The following ATG4B variants were observed in gnomAD, a reference collection of about 807,000 sequenced individuals.
The protein encoded by ATG4B is cysteine protease ATG4B.
In ATG4B, 29 loss-of-function variants were observed where a neutral mutation model predicts 56.6. The observed-to-expected ratio is 0.51, with a 90% CI of 0.38 to 0.70. ATG4B has a LOEUF of 0.70. Among genes scored for constraint, ATG4B ranks in the 30% least tolerant of loss-of-function variants. ATG4B has a pLI of 0.00. For synonymous variants in ATG4B, 224 were observed against 206.1 expected (o/e 1.09, Z -0.74); for missense variants, 461 against 515.5 (o/e 0.89, Z 1.02).
At chr2:241,656,302 GCGTCCCACGTCACCCC>G (rs934872467) in intron 6 of ATG4B, among the ~76,000 whole-genome samples, 2 of 151,874 alleles carry the variant, frequency 1.3e-5, no homozygotes, top group Non-Finnish European at 2.9e-5. Context: ...CACGTCACCC[GCGTCCCACGTCACCCC>G]CGTCCCACAT....
rs374129452 is a variant in ATG4B at position 241,670,692 on chromosome 2, G to T, written c.958-34G>T. The T allele has an allele frequency of 1.4e-5, 22 of 1,586,076 alleles. No individual in the cohort carries two copies. In the African/African-American group the frequency reaches 2.7e-4, roughly 19 times the overall value. On this transcript the variant is annotated intron_variant, in intron 10 of 12. Transcript: ENST00000404914. Reference sequence around the variant, plus strand: ...ACCTCTTAGCCGACTGCAGATGGGGGTGTCGTGTTCTGCTCATCGTCATTT... The same window carrying T: ...ACCTCTTAGCCGACTGCAGATGGGGTTGTCGTGTTCTGCTCATCGTCATTT...
At chr2:241,671,462 T>C (rs1441625496) in intron 12 of ATG4B, 57 bp downstream of exon 12, 1 of 1,594,880 alleles carries the variant, frequency 6.3e-7, no homozygotes, top group South Asian at 1.1e-5. Flanking sequence ...TGCCCTTGCT[T>C]CCCCAGTCCT....
intron 7 of ATG4B, among the ~76,000 whole-genome samples, chr2:241,660,215 C>T (rs2068548781): frequency 1.3e-5 from 2 of 152,196 alleles, no homozygotes; most frequent in African/African-American, 2.4e-5. Context: ...AGACCTCATT[C>T]AGAGCCACAG....
At chr2:241,644,493 C>T (rs1478240546) in intron 1 of ATG4B, among the ~76,000 whole-genome samples, 1 of 152,230 alleles carries the variant, frequency 6.6e-6, no homozygotes, top group East Asian at 1.9e-4. Flanking sequence ...GGTGAGGAGA[C>T]TGAGGCTGGA....
chr2:241,673,827 T>A lies in ATG4B; in HGVS notation c.*1563T>A. The A allele has an allele frequency of 2.3e-6, 1 of 428,106 alleles. No homozygotes were observed. 26.5% of individuals were successfully genotyped at this position (428,106 alleles called of 1,614,324 possible). On this transcript the variant is annotated 3_prime_UTR_variant, in exon 13 of 13. Coordinates refer to ENST00000404914, the MANE Select transcript of ATG4B (RefSeq NM_013325.5). The stretch of plus-strand genomic sequence containing the variant: ...TAGTAGTATAGTTTGCAATTCTTAA[T>A]GGCAAATAATAAGTTTCAGTAGAAA...
chr2:241,666,521 T>TGG (rs2068778694), intron 7 of ATG4B, 124 bp from the exon 8 acceptor site: 1 of 1,021,660 alleles, frequency 9.8e-7, no homozygotes, highest in South Asian at 1.5e-5. Context: ...AAGTTTGAAT[T>TGG]TCACTGTAAG....
At position 241,668,380 on chromosome 2, in the gene ATG4B, G is replaced by T; in HGVS notation, c.811+159G>T. 4 of 1,359,352 alleles carry T rather than the reference G, an allele frequency of 2.9e-6. No individual in the cohort carries two copies. The highest frequency in any genetic ancestry group is 4.1e-6 in the Non-Finnish European group (4 of 980,870). 84.2% of individuals were successfully genotyped at this position (1,359,352 alleles called of 1,614,324 possible). On this transcript the variant is annotated intron_variant, in intron 9 of 12. Transcript: ENST00000404914. The surrounding 1 kb of genome is among the most constrained non-coding windows in gnomAD (Gnocchi z 4.2). ...CCTGGTCGCGGGCGGCCTCCTGTGT[G>T]CCCCTTTCCCTGATGGTCTGGTGCC...
At chr2:241,664,183 G>GA (rs1470214855) in intron 7 of ATG4B, among the ~76,000 whole-genome samples, 3 of 151,970 alleles carry the variant, frequency 2.0e-5, no homozygotes, top group African/African-American at 7.3e-5. Flanking sequence ...ACACATACTA[G>GA]AACTGGCTCT....
Position 241,673,606 on chromosome 2 carries a change from T to C in ATG4B, c.*1342T>C. 1 of 455,892 alleles carries C rather than the reference T, an allele frequency of 2.2e-6. No individual in the cohort carries two copies. The highest frequency in any genetic ancestry group is 1.6e-5 in the South Asian group (1 of 64,492). The allele number at this position is 455,892 out of a possible 1,614,324, so 28.2% of individuals were successfully genotyped here. On this transcript the variant is annotated 3_prime_UTR_variant, in exon 13 of 13. Coordinates refer to ENST00000404914, the MANE Select transcript of ATG4B (RefSeq NM_013325.5). Reference sequence around the variant, plus strand: ...GACATAGTGTATTTCCTCGTATCCTTTCTCCCTTGGGTGTAGTTGGGGTGG... The same window carrying C: ...GACATAGTGTATTTCCTCGTATCCTCTCTCCCTTGGGTGTAGTTGGGGTGG...
chr2:241,673,822 C>G lies in ATG4B; in HGVS notation c.*1558C>G. ...ATTCTTAGTAGTATAGTTTGCAATT[C>G]TTAATGGCAAATAATAAGTTTCAGT... On this transcript the variant is annotated 3_prime_UTR_variant, in exon 13 of 13. Transcript: ENST00000404914. The G allele has an allele frequency of 7.0e-6, 3 of 429,226 alleles. No homozygotes were observed. The highest frequency in any genetic ancestry group is 1.4e-5 in the Non-Finnish European group (3 of 207,978). The allele number at this position is 429,226 out of a possible 1,614,324, so 26.6% of individuals were successfully genotyped here.
At chr2:241,659,391 C>T in intron 7 of ATG4B, 2 of 658,934 alleles carry the variant, frequency 3.0e-6, no homozygotes, top group Non-Finnish European at 5.8e-6. Flanking sequence ...AGAGGAGAGC[C>T]CAGGCTGTCT....
rs571001039 is a variant in ATG4B at position 241,648,828 on chromosome 2, G to A, written c.11-2182G>A. Among the ~76,000 whole-genome samples, 357 of 152,300 alleles carry A rather than the reference G, an allele frequency of 2.3e-3. 1 individual carries two copies. The highest frequency in any genetic ancestry group is 4.4e-3 in the Non-Finnish European group (299 of 68,024). ...GATTTGGTAGTTCTGCCTGCACCGA[G>A]GGAGATGCTTGCAGGTGCTTCTGAA... On this transcript the variant is annotated intron_variant, in intron 1 of 12. Transcript: ENST00000404914.
At chr2:241,640,145 G>A (rs899215563) in intron 1 of ATG4B, among the ~76,000 whole-genome samples, 2 of 152,194 alleles carry the variant, frequency 1.3e-5, no homozygotes, top group African/African-American at 4.8e-5. Context: ...CAAGTTGGGA[G>A]AACAGTTATG....
rs767147470 is a variant in ATG4B at position 241,651,332 on chromosome 2, A to G, written c.181A>G (p.Ile61Val). The change falls in exon 3 of 13, where the codon ATT becomes GTT. Residue 61 changes from isoleucine to valine, a missense_variant. Physicochemically the swap from Ile to Val is conservative, Grantham distance 29 (BLOSUM62 3). Coordinates refer to ENST00000404914, the MANE Select transcript of ATG4B (RefSeq NM_013325.5). The surrounding 1 kb of genome is among the most constrained non-coding windows in gnomAD (Gnocchi z 4.1). Reference protein sequence around the residue: ...WFTYRKNFPAIGGTGPTSDTG... With the variant: ...WFTYRKNFPAVGGTGPTSDTG... ...TACATACAGGAAAAACTTTCCAGCC[A>G]TTGGTAAGTACTCTGTTTTATTACA... is the stretch of plus-strand genomic sequence containing the variant. 6.3e-7 allele frequency: 1 copy of G among 1,591,556 alleles called. No individual in the cohort carries two copies. The highest frequency in any genetic ancestry group is 8.6e-7 in the Non-Finnish European group (1 of 1,167,106).
At chr2:241,658,993 C>A in intron 6 of ATG4B, 115 bp from the exon 7 acceptor site, 1 of 706,582 alleles carries the variant, frequency 1.4e-6, no homozygotes, top group Non-Finnish European at 2.3e-6. Context: ...AGCCTTGGCC[C>A]TTCTCATCCG....
At chr2:241,647,622 CAAAAA>C (rs35875880) in intron 1 of ATG4B, among the ~76,000 whole-genome samples, 2 of 117,648 alleles carry the variant, frequency 1.7e-5, no homozygotes, top group Non-Finnish European at 3.6e-5. Context: ...GACTCCGTCT[CAAAAA>C]AAAAAAAAAA....
chr2:241,647,784 T>A (rs2068108128), intron 1 of ATG4B, among the ~76,000 whole-genome samples: 1 of 151,998 alleles, frequency 6.6e-6, no homozygotes, highest in Non-Finnish European at 1.5e-5. Flanking sequence ...TTTAGAGAGG[T>A]AGCAGGGACA....
intron 12 of ATG4B, chr2:241,671,678 G>A (rs539900187): frequency 1.6e-4 from 219 of 1,391,818 alleles, no homozygotes; most frequent in South Asian, 5.6e-4. Flanking sequence ...GTCCTCAGGG[G>A]TCTGGAGCAG....
At chr2:241,642,410 CAT>C (rs945593715) in intron 1 of ATG4B, among the ~76,000 whole-genome samples, 3 of 152,090 alleles carry the variant, frequency 2.0e-5, no homozygotes, top group Non-Finnish European at 4.4e-5. Flanking sequence ...AAGTAGTAAT[CAT>C]ATGCAAACTG....
Sources: allele counts gnomAD v4.1 joint callset (sites outside exome capture counted in the v4.1 genomes callset), GRCh38; gene constraint gnomAD v4.1.1; non-coding constraint Gnocchi (gnomAD v3.1); transcripts MANE v1.5; gene names NCBI Gene and HGNC (gene_info 2026-07-23, HGNC 2026-07-21).